The following FLOT2 variants were observed in gnomAD, a reference collection of about 807,000 sequenced individuals.
FLOT2 encodes flotillin 2, also known as flotillin-2.
In FLOT2, 35 loss-of-function variants were observed where a neutral mutation model predicts 54.9. The observed-to-expected ratio is 0.64, with a 90% CI of 0.49 to 0.84. The LOEUF (loss-of-function observed/expected upper bound fraction) is 0.84, where lower values mean the gene tolerates loss of function less well. FLOT2 is among the 40% of genes least tolerant of loss of function. FLOT2 has a pLI of 0.00. For synonymous variants in FLOT2, 207 were observed against 228.9 expected, an observed-to-expected ratio of 0.90 and a Z score of 0.86; for missense variants, 464 against 572.1, an observed-to-expected ratio of 0.81 and a Z score of 1.93.
In FLOT2 at chr17:28,888,935, A is replaced by G; in HGVS notation, c.131+10T>C. ...CTCCATGACAGGTCCTAGAGCCCCC[A>G]GGTGCTTACCTCTGAGTGTCGGAGA... On this transcript the variant is annotated intron_variant, in intron 2 of 10. Coordinates refer to ENST00000394908, the MANE Select transcript of FLOT2 (RefSeq NM_004475.3). The G allele has an allele frequency of 1.2e-6, 2 of 1,612,244 alleles. No individual in the cohort carries two copies. Among genetic ancestry groups the G allele is most frequent in the Non-Finnish European group, 1.7e-6 (2 of 1,178,512 alleles).
Position 28,889,014 on chromosome 17 carries a change from C to G in FLOT2, c.62G>C (p.Gly21Ala). The G allele has an allele frequency of 6.2e-7, 1 of 1,614,096 alleles. No homozygotes were observed. The highest frequency in any genetic ancestry group is 8.5e-7 in the Non-Finnish European group (1 of 1,179,976). The change falls in exon 2 of 11, where the codon GGT becomes GCT. Residue 21 changes from glycine (G) to alanine (A), a missense_variant. By Grantham distance (60) the Gly-to-Ala change is moderately conservative. Transcript: ENST00000394908. ...EALVVSGGCC[G>A]SDYKQYVFGG... The stretch of plus-strand genomic sequence containing the variant: ...AAACACGTACTGTTTATAGTCGGAA[C>G]CACAACAGCCCCCTGGGGAGCAAAG...
In FLOT2 at chr17:28,882,666, A is replaced by G; in HGVS notation, c.372T>C (p.Tyr124=). The change falls in exon 5 of 11, where the codon TAT becomes TAC. Residue 124 remains tyrosine, a synonymous_variant. Coordinates refer to ENST00000394908, the MANE Select transcript of FLOT2 (RefSeq NM_004475.3). This position sits in a 1 kb window ranked among gnomAD's most constrained non-coding sequence, Gnocchi z 5.6. ...ILGTLTVEQI[Y]QDRDQFAKLV... is the part of the protein sequence containing the mutation. ...GCTTGGCAAACTGGTCCCGGTCCTG[A>G]TAAATCTGCTCCACTGTCAGGGTCC... 1 of 1,613,386 alleles carries G rather than the reference A, an allele frequency of 6.2e-7. No homozygotes were observed. The highest frequency in any genetic ancestry group is 8.5e-7 in the Non-Finnish European group (1 of 1,179,720).
At position 28,883,419 on chromosome 17, in the gene FLOT2, T is replaced by G. The variant is rs758532771; in HGVS notation, c.223-188A>C. ...AGCAGCACAAGGGCTTCTCTCACTATGAAACTTCTCCTGCACTGACAGCCC... is the reference window on the plus strand; with the variant it reads ...AGCAGCACAAGGGCTTCTCTCACTAGGAAACTTCTCCTGCACTGACAGCCC... On this transcript the variant is annotated intron_variant, in intron 3 of 10. Coordinates refer to ENST00000394908, the MANE Select transcript of FLOT2 (RefSeq NM_004475.3). The surrounding 1 kb of genome is among the most constrained non-coding windows in gnomAD (Gnocchi z 5.0). Among the ~76,000 whole-genome samples, 41 of 152,106 alleles carry G rather than the reference T, an allele frequency of 2.7e-4. No homozygotes were observed. Among genetic ancestry groups the G allele is most frequent in the Admixed American group, 2.0e-4 (3 of 15,282 alleles).
intron 1 of FLOT2, among the ~76,000 whole-genome samples, chr17:28,895,341 CTAAT>C (rs1425120968): frequency 2.6e-5 from 4 of 152,032 alleles, no homozygotes; most frequent in Non-Finnish European, 5.9e-5. Context: ...AGTGGTAAAT[CTAAT>C]TATTAGCTTA....
Position 28,897,417 on chromosome 17 carries a change from C to A in FLOT2, c.49+109G>T, listed in dbSNP as rs1370687558. Reference sequence around the variant, plus strand: ...CTCAGGTGCGGCCCGGGGGCCAGCGCCCTGCGCCGCGCGGTGGACTCAGGC... The same window carrying A: ...CTCAGGTGCGGCCCGGGGGCCAGCGACCTGCGCCGCGCGGTGGACTCAGGC... On this transcript the variant is annotated intron_variant, in intron 1 of 10. Transcript: ENST00000394908. This position sits in a 1 kb window ranked among gnomAD's most constrained non-coding sequence, Gnocchi z 4.4. The A allele has an allele frequency of 1.8e-6, 2 of 1,103,828 alleles. No individual in the cohort carries two copies. The highest frequency in any genetic ancestry group is 3.3e-5 in the African/African-American group (2 of 61,100). The allele number at this position is 1,103,828 out of a possible 1,614,324, so 68.4% of individuals were successfully genotyped here. A position where few individuals can be genotyped will look rare whatever the true frequency, so the allele number is the denominator to read the frequency against.
intron 2 of FLOT2, among the ~76,000 whole-genome samples, chr17:28,887,777 G>A (rs1001695174): frequency 6.6e-6 from 1 of 152,200 alleles, no homozygotes; most frequent in African/African-American, 2.4e-5. Context: ...GGATCCTCTC[G>A]AGTGGAGGCT....
At chr17:28,885,896 CG>C (rs1567932475) in intron 2 of FLOT2, 1 of 1,550,308 alleles carries the variant, frequency 6.5e-7, no homozygotes, top group Admixed American at 2.0e-5. Context: ...CCCCCTCCGA[CG>C]TCTCAATATT....
At position 28,882,168 on chromosome 17, in the gene FLOT2, G is replaced by A. The variant is rs1239399094; in HGVS notation, c.649C>T (p.Arg217Ter). The change falls in exon 7 of 11, where the codon CGA becomes TGA. Residue 217 changes from arginine to a stop codon, truncating the protein, a stop_gained. Transcript: ENST00000394908. LOFTEE classifies it high-confidence loss of function. The surrounding 1 kb of genome is among the most constrained non-coding windows in gnomAD (Gnocchi z 5.6). The stretch of plus-strand genomic sequence containing the variant: ...GCTGACTTTTGCAGCTCGAAGGCTC[G>A]CTTAGAGTCAGCAATCTTGGTGTCT... ...MADTKIADSK[R>*]AFELQKSAFS... 4 of 1,614,144 alleles carry A rather than the reference G, an allele frequency of 2.5e-6. No homozygotes were observed. The highest frequency in any genetic ancestry group is 3.4e-6 in the Non-Finnish European group (4 of 1,180,032).
chr17:28,896,639 C>T (rs558436711), intron 1 of FLOT2, among the ~76,000 whole-genome samples: 1 of 152,276 alleles, frequency 6.6e-6, no homozygotes, highest in South Asian at 2.1e-4. Flanking sequence ...GCTTCTATCC[C>T]CTTCTATCTC....
chr17:28,880,298 C>A lies in FLOT2; in HGVS notation c.*263G>T. 7.4e-7 allele frequency: 1 copy of A among 1,358,224 alleles called. No individual in the cohort carries two copies. Among genetic ancestry groups the A allele is most frequent in the Non-Finnish European group, 9.5e-7 (1 of 1,056,010 alleles). The allele number at this position is 1,358,224 out of a possible 1,614,324, so 84.1% of individuals were successfully genotyped here. On this transcript the variant is annotated 3_prime_UTR_variant, in exon 11 of 11. Transcript: ENST00000394908. ...GATGTGCATGGGGGAAAGAAAAAGACAGACAAAGGAAAAGACACGCAGGGA... is the reference window on the plus strand; with the variant it reads ...GATGTGCATGGGGGAAAGAAAAAGAAAGACAAAGGAAAAGACACGCAGGGA...
At position 28,897,512 on chromosome 17, in the gene FLOT2, C is replaced by A; in HGVS notation, c.49+14G>T. On this transcript the variant is annotated intron_variant, in intron 1 of 10. Transcript: ENST00000394908. This position sits in a 1 kb window ranked among gnomAD's most constrained non-coding sequence, Gnocchi z 4.4. The stretch of plus-strand genomic sequence containing the variant: ...CACCCTCCACAGCTCCCACCTTCCT[C>A]GCCGCCCCCTCACCTGAAACCACCA... 1 of 1,602,988 alleles carries A rather than the reference C, an allele frequency of 6.2e-7. No individual in the cohort carries two copies. Among genetic ancestry groups the A allele is most frequent in the East Asian group, 2.3e-5 (1 of 43,862 alleles).
intron 2 of FLOT2, chr17:28,885,470 G>A (rs1653446906): frequency 1.5e-6 from 1 of 661,730 alleles, no homozygotes; most frequent in African/African-American, 1.8e-5. Flanking sequence ...GCTCAGTAGA[G>A]AGCTGGTGAA....
At chr17:28,896,630 C>A (rs1013146091) in intron 1 of FLOT2, among the ~76,000 whole-genome samples, 2 of 152,184 alleles carry the variant, frequency 1.3e-5, no homozygotes, top group African/African-American at 4.8e-5. Context: ...TGGCTCAGGG[C>A]TTCTATCCCC....
Position 28,882,305 on chromosome 17 carries a change from C to G in FLOT2, c.579+32G>C. On this transcript the variant is annotated intron_variant, in intron 6 of 10. Transcript: ENST00000394908. This position sits in a 1 kb window ranked among gnomAD's most constrained non-coding sequence, Gnocchi z 5.6. ...GTCCTGAGTCATCATGGTCCCATCA[C>G]CCCTGAGCTTCCCATCCTTGAACCC... is the stretch of plus-strand genomic sequence containing the variant. 6.2e-7 allele frequency: 1 copy of G among 1,613,876 alleles called. No individual in the cohort carries two copies.
intron 9 of FLOT2, 104 bp downstream of exon 9, chr17:28,881,088 T>A: frequency 1.7e-6 from 2 of 1,151,578 alleles, no homozygotes; most frequent in Non-Finnish European, 2.5e-6. Context: ...CTTCTAGCCA[T>A]CTGTCCCTGT....
chr17:28,886,726 G>A (rs1313170217), intron 2 of FLOT2, among the ~76,000 whole-genome samples: 1 of 152,210 alleles, frequency 6.6e-6, no homozygotes, highest in African/African-American at 2.4e-5. Context: ...CAGTGTGGAA[G>A]GTTTCCCTAA....
chr17:28,897,733 T>A lies in FLOT2; in HGVS notation c.-159A>T. ...TGCGGTCGCAGCCCCGCCGGAAGTGTGGCGGCGGAGGGCGGGGCCGGCGCG... is the reference window on the plus strand; with the variant it reads ...TGCGGTCGCAGCCCCGCCGGAAGTGAGGCGGCGGAGGGCGGGGCCGGCGCG... On this transcript the variant is annotated 5_prime_UTR_variant, in exon 1 of 11. Transcript: ENST00000394908. The surrounding 1 kb of genome is among the most constrained non-coding windows in gnomAD (Gnocchi z 4.4). 1.9e-6 allele frequency: 1 copy of A among 514,080 alleles called. No homozygotes were observed. The highest frequency in any genetic ancestry group is 2.9e-6 in the Non-Finnish European group (1 of 340,262). The allele number at this position is 514,080 out of a possible 1,614,324, so 31.8% of individuals were successfully genotyped here.
Position 28,880,786 on chromosome 17 carries a change from G to A in FLOT2, c.1175C>T (p.Thr392Ile). The A allele has an allele frequency of 6.2e-7, 1 of 1,614,160 alleles. No homozygotes were observed. Among genetic ancestry groups the A allele is most frequent in the Non-Finnish European group, 8.5e-7 (1 of 1,180,010 alleles). ...VVLSGDNSKV[T>I]SEVNRLLAEL... is the part of the protein sequence containing the mutation. ...GGCCAGCAGTCGGTTCACTTCTGAT[G>A]TGACCTTACTGTTGTCTCCACTGAG... The change falls in exon 10 of 11, where the codon ACA becomes ATA. Residue 392 changes from threonine (T) to isoleucine (I), a missense_variant. Physicochemically the swap from Thr to Ile is moderately conservative, Grantham distance 89 (BLOSUM62 -1). Coordinates refer to ENST00000394908, the MANE Select transcript of FLOT2 (RefSeq NM_004475.3).
Position 28,881,937 on chromosome 17 carries a change from C to A in FLOT2, c.791G>T (p.Arg264Leu), listed in dbSNP as rs761527007. Reference sequence around the variant, plus strand: ...TGCCTCCACGGCAATCTGTTTCTTGCGCTGCACAACCTCAATCTCAATCTC... The same window carrying A: ...TGCCTCCACGGCAATCTGTTTCTTGAGCTGCACAACCTCAATCTCAATCTC... The part of the protein sequence containing the change: ...QEEIEIEVVQ[R>L]KKQIAVEAQE... The change falls in exon 8 of 11, where the codon CGC becomes CTC. Residue 264 changes from arginine to leucine, a missense_variant. Coordinates refer to ENST00000394908, the MANE Select transcript of FLOT2 (RefSeq NM_004475.3). 4 of 1,614,072 alleles carry A rather than the reference C, an allele frequency of 2.5e-6. No individual in the cohort carries two copies. Among genetic ancestry groups the A allele is most frequent in the Admixed American group, 1.7e-5 (1 of 60,032 alleles).
Sources: gnomAD v4.1 joint callset for allele counts (sites outside exome capture counted in the v4.1 genomes callset) on GRCh38, gnomAD v4.1.1 for gene constraint, Gnocchi (gnomAD v3.1) non-coding constraint, MANE v1.5 for transcripts, NCBI Gene and HGNC (gene_info 2026-07-23, HGNC 2026-07-21) for gene names.